CDK17: variants seen among roughly 807,000 people sequenced by gnomAD.
The protein encoded by CDK17 is cyclin dependent kinase 17.
In CDK17, 24 loss-of-function variants were observed where a neutral mutation model predicts 77.6. The ratio of observed to expected loss-of-function variants is 0.31; its 90% confidence interval spans 0.22 to 0.44. The LOEUF is 0.44. Ranked by LOEUF, CDK17 falls within the 20% of genes least tolerant of loss-of-function variation. The pLI is 1.00. For missense variants in CDK17, 429 were observed against 622.5 expected, an observed-to-expected ratio of 0.69 and a Z score of 3.31; for synonymous variants, 203 against 210.4, an observed-to-expected ratio of 0.96 and a Z score of 0.30.
intron 2 of CDK17, among the ~76,000 whole-genome samples, chr12:96,327,790 C>A (rs1207571155): frequency 6.6e-6 from 1 of 152,118 alleles, no homozygotes; most frequent in Non-Finnish European, 1.5e-5. Flanking sequence ...CTCAAGTGAT[C>A]CTCCTCACCT....
intron 13 of CDK17, 77 bp from the exon 14 acceptor site, chr12:96,283,722 G>A: frequency 1.0e-6 from 1 of 955,244 alleles, no homozygotes; most frequent in Non-Finnish European, 1.7e-6. Context: ...TATTTTCTAA[G>A]TGTTTTAATC....
chr12:96,295,685 G>A (rs1042500313), intron 9 of CDK17, among the ~76,000 whole-genome samples: 6 of 152,152 alleles, frequency 3.9e-5, no homozygotes, highest in Admixed American at 3.9e-4. Flanking sequence ...ACCTAAACCA[G>A]CTTCTATCAC....
intron 1 of CDK17, among the ~76,000 whole-genome samples, chr12:96,373,316 G>A (rs1028126908): frequency 4.6e-5 from 7 of 152,138 alleles, no homozygotes; most frequent in Admixed American, 1.3e-4. Flanking sequence ...GGCCAGCTGC[G>A]GTGGCTCCCA....
In CDK17 at chr12:96,286,707, T is replaced by G. The variant is rs527901249; in HGVS notation, c.1173A>C (p.Gly391=). The G allele has an allele frequency of 1.9e-6, 3 of 1,613,546 alleles. No homozygotes were observed. The highest frequency in any genetic ancestry group is 1.7e-6 in the Non-Finnish European group (2 of 1,179,632). The stretch of plus-strand genomic sequence containing the variant: ...AGTGCAGTTCATCTTCCACGGTTGA[T>G]CCTGGAAATAAAGGTCTTCCAGAAG... The part of the protein sequence containing the change: ...EMASGRPLFP[G]STVEDELHLI... The change falls in exon 12 of 17, where the codon GGA becomes GGC. Residue 391 remains glycine (G), a synonymous_variant. Coordinates refer to ENST00000261211, the MANE Select transcript of CDK17 (RefSeq NM_002595.5).
chr12:96,347,682 A>G (rs1953242853), intron 1 of CDK17, among the ~76,000 whole-genome samples: 1 of 150,530 alleles, frequency 6.6e-6, no homozygotes, highest in Non-Finnish European at 1.5e-5. Flanking sequence ...CTTGAACAGC[A>G]CTATATACCT....
intron 3 of CDK17, among the ~76,000 whole-genome samples, chr12:96,315,783 G>A (rs777005299): frequency 1.3e-4 from 20 of 152,192 alleles, no homozygotes; most frequent in Non-Finnish European, 1.0e-4. Context: ...AGGAGAGGCT[G>A]CTGATGTTGA....
intron 1 of CDK17, among the ~76,000 whole-genome samples, chr12:96,345,409 T>G (rs770791746): frequency 6.6e-6 from 1 of 152,244 alleles, no homozygotes; most frequent in African/African-American, 2.4e-5. Context: ...CCACACTGTC[T>G]TCCACAATGG....
At chr12:96,306,004 G>A (rs1381196706) in intron 5 of CDK17, among the ~76,000 whole-genome samples, 4 of 152,178 alleles carry the variant, frequency 2.6e-5, no homozygotes, top group South Asian at 4.1e-4. Context: ...TTACAGGCAT[G>A]AGCCACAACA....
At chr12:96,393,927 G>T (rs1035119204) in intron 1 of CDK17, among the ~76,000 whole-genome samples, 15 of 151,870 alleles carry the variant, frequency 9.9e-5, no homozygotes, top group African/African-American at 3.6e-4. Context: ...GAGTGATAAG[G>T]GCTTCAATGC....
At chr12:96,331,589 A>G (rs1167216338) in intron 2 of CDK17, among the ~76,000 whole-genome samples, 3 of 152,214 alleles carry the variant, frequency 2.0e-5, no homozygotes, top group African/African-American at 7.2e-5. Context: ...TTATAGATTT[A>G]TAACTGAGTT....
chr12:96,348,523 C>CAAAAA (rs35363324), intron 1 of CDK17, among the ~76,000 whole-genome samples: 38 of 66,336 alleles, frequency 5.7e-4, no homozygotes, highest in Non-Finnish European at 8.6e-4. Context: ...GACTCTGTCT[C>CAAAAA]AAAAAAAAAA....
intron 10 of CDK17, among the ~76,000 whole-genome samples, chr12:96,292,436 T>C (rs1048753011): frequency 6.6e-5 from 10 of 152,102 alleles, no homozygotes; most frequent in African/African-American, 2.2e-4. Flanking sequence ...TGAAACCCCA[T>C]CTCTACTAAA....
At chr12:96,378,444 T>C (rs562161039) in intron 1 of CDK17, among the ~76,000 whole-genome samples, 137 of 152,372 alleles carry the variant, frequency 9.0e-4, no homozygotes, top group Middle Eastern at 6.8e-3. Context: ...TACTCCAGGT[T>C]GATCTTACAG....
intron 1 of CDK17, among the ~76,000 whole-genome samples, chr12:96,387,575 A>C (rs1953995550): frequency 6.6e-6 from 1 of 152,238 alleles, no homozygotes; most frequent in Admixed American, 6.5e-5. Context: ...ATTTTATGAC[A>C]AAGAATAAAA....
At chr12:96,340,991 C>T (rs1953113597) in intron 1 of CDK17, among the ~76,000 whole-genome samples, 1 of 152,096 alleles carries the variant, frequency 6.6e-6, no homozygotes, top group South Asian at 2.1e-4. Flanking sequence ...TCTCCCTCCT[C>T]CAATCTTCAC....
At position 96,312,363 on chromosome 12, in the gene CDK17, G is replaced by A. The variant is rs151259491; in HGVS notation, c.417+958C>T. Among the ~76,000 whole-genome samples the A allele has an allele frequency of 1.3e-3, 205 of 152,112 alleles. 1 individual carries two copies. Among genetic ancestry groups the A allele is most frequent in the African/African-American group, 4.4e-3 (184 of 41,522 alleles). Reference sequence around the variant, plus strand: ...GTGGGGAAACAAATTATAGCTCAACGAAGAATGAGAAACTCCAGATACAGA... The same window carrying A: ...GTGGGGAAACAAATTATAGCTCAACAAAGAATGAGAAACTCCAGATACAGA... On this transcript the variant is annotated intron_variant, in intron 4 of 16. Transcript: ENST00000261211.
rs548483711 is a variant in CDK17 at position 96,297,068 on chromosome 12, CA to C, written c.873+201del. ...ATGTCAAAAGAATGAAGTGGTTCTA[CA>C]AAAAGGTCTGATCCTAAGAAAGCTA... On this transcript the variant is annotated intron_variant, in intron 9 of 16. Coordinates refer to ENST00000261211, the MANE Select transcript of CDK17 (RefSeq NM_002595.5). Among the ~76,000 whole-genome samples the C allele has an allele frequency of 3.9e-5, 6 of 152,084 alleles. No homozygotes were observed. The South Asian group carries it at 1.2e-3, about 32-fold the overall frequency.
intron 1 of CDK17, among the ~76,000 whole-genome samples, chr12:96,384,900 C>T (rs58530761): frequency 0.077 from 11,597 of 150,606 alleles, 533 homozygotes; most frequent in African/African-American, 0.13. Context: ...GTCCCAGCTA[C>T]GTGGAAGGCT....
At chr12:96,367,831 C>T (rs1436849083) in intron 1 of CDK17, among the ~76,000 whole-genome samples, 1 of 146,526 alleles carries the variant, frequency 6.8e-6, no homozygotes, top group Admixed American at 6.9e-5. Context: ...GCCTGGACAA[C>T]ACAGCAAGTC....
Sources: allele counts gnomAD v4.1 joint callset (sites outside exome capture counted in the v4.1 genomes callset), GRCh38; gene constraint gnomAD v4.1.1; transcripts MANE v1.5; gene names NCBI Gene and HGNC (gene_info 2026-07-23, HGNC 2026-07-21).